Variants in PPP5C observed in about 807,000 individuals in gnomAD.
PPP5C encodes serine/threonine-protein phosphatase 5.
PPP5C carries 21 observed loss-of-function variants against 66.7 expected under a neutral mutation model. The observed-to-expected ratio is 0.31, with a 90% CI of 0.22 to 0.45. The LOEUF is 0.45. Among genes scored for constraint, PPP5C ranks in the 20% least tolerant of loss-of-function variants. PPP5C has a pLI of 1.00. For missense variants in PPP5C, 464 were observed against 675.9 expected (o/e 0.69, Z 3.48); for synonymous variants, 246 against 257.4 (o/e 0.96, Z 0.43).
intron 2 of PPP5C, among the ~76,000 whole-genome samples, chr19:46,373,106 G>C: frequency 6.6e-6 from 1 of 152,126 alleles, no homozygotes. Flanking sequence ...CGCCTGTCCT[G>C]GCAGGCCTGG....
chr19:46,390,496 A>G lies in PPP5C; in HGVS notation c.*150A>G. 6.8e-7 allele frequency: 1 copy of G among 1,476,412 alleles called. No individual in the cohort carries two copies. Among genetic ancestry groups the G allele is most frequent in the Non-Finnish European group, 9.0e-7 (1 of 1,111,974 alleles). The allele number at this position is 1,476,412 out of a possible 1,614,324, so 91.5% of individuals were successfully genotyped here. A position where few individuals can be genotyped will look rare whatever the true frequency, so the allele number is the denominator to read the frequency against. On this transcript the variant is annotated 3_prime_UTR_variant, in exon 13 of 13. Transcript: ENST00000012443. Reference sequence around the variant, plus strand: ...TGTATTTATTCCCCTTTAGGTTTGCAGAGGGGGTAGGGGCAGAGTCAGGGG... The same window carrying G: ...TGTATTTATTCCCCTTTAGGTTTGCGGAGGGGGTAGGGGCAGAGTCAGGGG...
At chr19:46,387,258 G>T (rs778414307) in intron 8 of PPP5C, 23 bp downstream of exon 8, 8 of 1,613,964 alleles carry the variant, frequency 5.0e-6, no homozygotes, top group Non-Finnish European at 6.8e-6. Context: ...CGAGCCCTGA[G>T]TGTGGGTTCC....
intron 2 of PPP5C, among the ~76,000 whole-genome samples, chr19:46,358,680 A>G (rs1156529016): frequency 6.6e-6 from 1 of 152,182 alleles, no homozygotes; most frequent in Non-Finnish European, 1.5e-5. Flanking sequence ...TGCTCCAGAG[A>G]ACAGATAAGC....
At chr19:46,349,142 A>T (rs1306167038) in intron 1 of PPP5C, among the ~76,000 whole-genome samples, 1 of 152,106 alleles carries the variant, frequency 6.6e-6, no homozygotes, top group Non-Finnish European at 1.5e-5. Context: ...TCTGCTGAAA[A>T]AATTAGTTGG....
chr19:46,361,365 A>G (rs1012673230), intron 2 of PPP5C, among the ~76,000 whole-genome samples: 5 of 146,050 alleles, frequency 3.4e-5, no homozygotes, highest in Non-Finnish European at 6.0e-5. Flanking sequence ...TCTTGACCTC[A>G]TGATCCGCCC....
chr19:46,388,817 AT>A lies in PPP5C; in HGVS notation c.1355+89del. ...TTGTTTTGCCTTTTTATGATGGAAC[AT>A]TTCAAAGACAGGCAAGAGCAGATAA... On this transcript the variant is annotated intron_variant, in intron 11 of 12. Transcript: ENST00000012443. This position sits in a 1 kb window ranked among gnomAD's most constrained non-coding sequence, Gnocchi z 4.9. 6.7e-7 allele frequency: 1 copy of A among 1,488,312 alleles called. No homozygotes were observed. The allele number at this position is 1,488,312 out of a possible 1,614,324, so 92.2% of individuals were successfully genotyped here.
chr19:46,383,333 T>C lies in PPP5C; in HGVS notation c.634-78T>C, dbSNP rs1457963818. On this transcript the variant is annotated intron_variant, in intron 4 of 12. Transcript: ENST00000012443. The surrounding 1 kb of genome is among the most constrained non-coding windows in gnomAD (Gnocchi z 5.0). ...TCGCCCTCAGCCCAGCAGCGTCTCA[T>C]GGGCAGTCCAGGCTTTCGGGGCCAG... 6.4e-6 allele frequency: 10 copies of C among 1,568,936 alleles called. No homozygotes were observed. The highest frequency in any genetic ancestry group is 1.2e-5 in the South Asian group (1 of 85,276).
chr19:46,364,055 A>G (rs1453246098), intron 2 of PPP5C, among the ~76,000 whole-genome samples: 1 of 152,194 alleles, frequency 6.6e-6, no homozygotes, highest in African/African-American at 2.4e-5. Flanking sequence ...GAGCCAGTCA[A>G]GGAGATCTTG....
In PPP5C at chr19:46,375,707, A is replaced by C; in HGVS notation, c.467A>C (p.Glu156Ala). ...KAFERAIAGD[E>A]HKRSVVDSLD... ...TTTGAGCGGGCCATCGCGGGCGACG[A>C]GCACAAGCGCTCCGTGGTGGACTCG... The change falls in exon 3 of 13, where the codon GAG (glutamate) becomes GCG (alanine). Residue 156 changes from glutamate (E) to alanine (A), a missense_variant. This residue lies in a region of PPP5C where 387 missense variants were observed against 626.0 expected (regional missense o/e 0.62). Coordinates refer to ENST00000012443, the MANE Select transcript of PPP5C (RefSeq NM_006247.4). 6.2e-7 allele frequency: 1 copy of C among 1,611,412 alleles called. No individual in the cohort carries two copies. Among genetic ancestry groups the C allele is most frequent in the Non-Finnish European group, 8.5e-7 (1 of 1,178,684 alleles).
Position 46,390,353 on chromosome 19 carries a change from G to A in PPP5C, c.*7G>A, listed in dbSNP as rs766956564. 30 of 1,567,384 alleles carry A rather than the reference G, an allele frequency of 1.9e-5. No homozygotes were observed. The highest frequency in any genetic ancestry group is 2.3e-5 in the South Asian group (2 of 85,370). On this transcript the variant is annotated 3_prime_UTR_variant, in exon 13 of 13. Coordinates refer to ENST00000012443, the MANE Select transcript of PPP5C (RefSeq NM_006247.4). ...GCAGCTAGGAATGATGTGAGGTGAC[G>A]GGCGGGGCGGCCTGCATCCCAGGGC...
At chr19:46,363,782 T>C (rs1972443652) in intron 2 of PPP5C, among the ~76,000 whole-genome samples, 1 of 152,218 alleles carries the variant, frequency 6.6e-6, no homozygotes, top group African/African-American at 2.4e-5. Context: ...TTGTATCATG[T>C]AGATAATATA....
rs1246950998 is a variant in PPP5C, at chr19:46,388,633, C to T, written c.1257C>T (p.Asn419=). 3 of 1,614,070 alleles carry T rather than the reference C, an allele frequency of 1.9e-6. No homozygotes were observed. Among genetic ancestry groups the T allele is most frequent in the African/African-American group, 2.7e-5 (2 of 74,928 alleles). The part of the protein sequence containing the change: ...DVTKAFLEEN[N]LDYIIRSHEV... ...CCAAGGCCTTCTTGGAAGAGAACAA[C>T]CTGGACTATATCATCCGCAGCCACG... The change falls in exon 11 of 13, where the codon AAC becomes AAT. Residue 419 remains asparagine (N), a synonymous_variant. Coordinates refer to ENST00000012443, the MANE Select transcript of PPP5C (RefSeq NM_006247.4). The surrounding 1 kb of genome is among the most constrained non-coding windows in gnomAD (Gnocchi z 4.9).
intron 2 of PPP5C, 84 bp downstream of exon 2, chr19:46,354,073 A>G (rs1972241604): frequency 6.5e-7 from 1 of 1,527,072 alleles, no homozygotes; most frequent in Non-Finnish European, 8.8e-7. Context: ...GTGAGGAGCC[A>G]TTCACTCCTC....
At chr19:46,387,699 A>AT in intron 9 of PPP5C, 18 of 1,428,930 alleles carry the variant, frequency 1.3e-5, no homozygotes, top group Non-Finnish European at 1.7e-5. Context: ...ACCTGTCCTT[A>AT]TTTATTTGTG....
Position 46,376,678 on chromosome 19 carries a change from A to ACC in PPP5C, c.633+105_633+106insCC, listed in dbSNP as rs1972702655. 7 of 1,469,354 alleles carry ACC rather than the reference A, an allele frequency of 4.8e-6. No individual in the cohort carries two copies. The highest frequency in any genetic ancestry group is 6.5e-6 in the Non-Finnish European group (7 of 1,081,268). The allele number at this position is 1,469,354 out of a possible 1,614,324, so 91.0% of individuals were successfully genotyped here. ...AAACGACAGGAGAAGGGCGGCCATG[A>ACC]CAGCCAACACCAAACAGGAGTCGTG... On this transcript the variant is annotated intron_variant, in intron 4 of 12. Coordinates refer to ENST00000012443, the MANE Select transcript of PPP5C (RefSeq NM_006247.4). The surrounding 1 kb of genome is among the most constrained non-coding windows in gnomAD (Gnocchi z 5.1).
At chr19:46,360,861 T>A (rs879683560) in intron 2 of PPP5C, among the ~76,000 whole-genome samples, 1 of 152,148 alleles carries the variant, frequency 6.6e-6, no homozygotes, top group Non-Finnish European at 1.5e-5. Flanking sequence ...CAAAATAGGA[T>A]CACACATCAC....
intron 11 of PPP5C, among the ~76,000 whole-genome samples, chr19:46,389,475 GC>G (rs1256796476): frequency 3.2e-5 from 4 of 126,742 alleles, no homozygotes; most frequent in Non-Finnish European, 4.8e-5. Context: ...TTGATCCCTT[GC>G]CCCCACCCGA....
At chr19:46,361,092 G>A (rs1338122035) in intron 2 of PPP5C, among the ~76,000 whole-genome samples, 1 of 145,570 alleles carries the variant, frequency 6.9e-6, no homozygotes, top group Admixed American at 6.8e-5. Context: ...GTTTTGTTTT[G>A]TGTTTTGCAA....
At chr19:46,348,346 T>A (rs567042630) in intron 1 of PPP5C, among the ~76,000 whole-genome samples, 14 of 146,704 alleles carry the variant, frequency 9.5e-5, no homozygotes, top group African/African-American at 3.6e-4. Flanking sequence ...GGAGTTTTGC[T>A]CTTTTTGCCC....
Sources: gnomAD v4.1 joint callset for allele counts (sites outside exome capture counted in the v4.1 genomes callset) on GRCh38, gnomAD v4.1.1 for gene constraint, gnomAD v4.1.1 regional missense constraint, Gnocchi (gnomAD v3.1) non-coding constraint, MANE v1.5 for transcripts, NCBI Gene and HGNC (gene_info 2026-07-23, HGNC 2026-07-21) for gene names.